CLEC2D: variants seen among roughly 807,000 people sequenced by gnomAD.
The protein encoded by CLEC2D is C-type lectin domain family 2 member D.
Under a neutral mutation model 20.0 loss-of-function variants are expected in CLEC2D, and 16 were observed. That is an observed-to-expected ratio of 0.80 (90% CI 0.54 to 1.22). The LOEUF (loss-of-function observed/expected upper bound fraction) is 1.22. Ranked by LOEUF, CLEC2D falls within the 50% of genes most tolerant of loss-of-function variation. The probability of loss-of-function intolerance (pLI) is 0.00; values close to 1 mark genes in which losing one functional copy is unlikely to be tolerated. For synonymous variants in CLEC2D, 77 were observed against 71.1 expected (o/e 1.08, Z -0.42); for missense variants, 207 against 221.5 (o/e 0.93, Z 0.42).
chr12:9,687,915 C>T lies in CLEC2D; in HGVS notation c.186C>T (p.Asn62=). The T allele has an allele frequency of 6.3e-7, 1 of 1,580,440 alleles. No individual in the cohort carries two copies. Among genetic ancestry groups the T allele is most frequent in the Non-Finnish European group, 8.6e-7 (1 of 1,162,758 alleles). The stretch of plus-strand genomic sequence containing the variant: ...TTTTATTTTCAGCAATAAGAGCTAA[C>T]TGCCATCAAGAGCCATCAGTATGTC... ...MVAALSAIRA[N]CHQEPSVCLQ... is the part of the protein sequence containing the mutation. The change falls in exon 3 of 5, where the codon AAC becomes AAT. Residue 62 remains asparagine (N), a synonymous_variant. Coordinates refer to ENST00000290855, the MANE Select transcript of CLEC2D (RefSeq NM_013269.6).
chr12:9,672,721 T>C (rs1865449163), intron 1 of CLEC2D, among the ~76,000 whole-genome samples: 1 of 152,192 alleles, frequency 6.6e-6, no homozygotes, highest in Admixed American at 6.5e-5. Flanking sequence ...GTTCGGTCTT[T>C]TTACATAGTC....
chr12:9,697,686 A>C lies in CLEC2D; in HGVS notation c.*2812A>C, dbSNP rs1190455619. On this transcript the variant is annotated 3_prime_UTR_variant, in exon 5 of 5. Transcript: ENST00000290855. Reference sequence around the variant, plus strand: ...AGTGAAATAAGCCAGACACAGAAAAAAAATGTTGCATGATCTCACTTATAG... The same window carrying C: ...AGTGAAATAAGCCAGACACAGAAAACAAATGTTGCATGATCTCACTTATAG... The C allele has an allele frequency of 6.6e-6, 1 of 150,838 alleles. No homozygotes were observed. Among genetic ancestry groups the C allele is most frequent in the Non-Finnish European group, 1.5e-5 (1 of 67,882 alleles). 9.3% of individuals were successfully genotyped at this position (150,838 alleles called of 1,614,324 possible). A position where few individuals can be genotyped will look rare whatever the true frequency, so the allele number is the denominator to read the frequency against.
chr12:9,682,791 C>G (rs1442795166), intron 2 of CLEC2D, among the ~76,000 whole-genome samples: 1 of 152,070 alleles, frequency 6.6e-6, no homozygotes, highest in Non-Finnish European at 1.5e-5. Context: ...GGGTTGGTTC[C>G]AAGTCTTTGC....
rs1203438745 is a variant in CLEC2D at position 9,695,867 on chromosome 12, ATG to A, written c.*994_*995del. 8.9e-5 allele frequency: 93 copies of A among 1,049,068 alleles called. No individual in the cohort carries two copies. The African/African-American group carries it at 1.3e-3, about 14-fold the overall frequency. 65.0% of individuals were successfully genotyped at this position (1,049,068 alleles called of 1,614,324 possible). A position where few individuals can be genotyped will look rare whatever the true frequency, so the allele number is the denominator to read the frequency against. ...CTTGCTGCTGCTGCTGATGATGATG[ATG>A]ATGAAGATGATGATGATGATGATGA... On this transcript the variant is annotated 3_prime_UTR_variant, in exon 5 of 5. Coordinates refer to ENST00000290855, the MANE Select transcript of CLEC2D (RefSeq NM_013269.6).
At chr12:9,677,707 C>CTTTTTTTTTTTTTTTTTTTTT (rs36120151) in intron 1 of CLEC2D, among the ~76,000 whole-genome samples, 13 of 122,422 alleles carry the variant, frequency 1.1e-4, no homozygotes, top group Non-Finnish European at 1.7e-4. Context: ...TTCTTTCTTT[C>CTTTTTTTTTTTTTTTTTTTTT]TTTTTTTTTT....
At chr12:9,685,285 G>T (rs1425500298) in intron 2 of CLEC2D, among the ~76,000 whole-genome samples, 1 of 152,196 alleles carries the variant, frequency 6.6e-6, no homozygotes, top group Non-Finnish European at 1.5e-5. Context: ...ACCCCTGCTA[G>T]GAGTTGTCTC....
At chr12:9,680,127 T>G (rs1476324928) in intron 1 of CLEC2D, 1 of 184,456 alleles carries the variant, frequency 5.4e-6, no homozygotes, top group Non-Finnish European at 1.2e-5. Context: ...GCTGTTCTTG[T>G]GATAGCGAGT....
intron 3 of CLEC2D, among the ~76,000 whole-genome samples, chr12:9,689,803 G>A (rs1865825698): frequency 6.6e-6 from 1 of 151,860 alleles, no homozygotes; most frequent in African/African-American, 2.4e-5. Flanking sequence ...TAAGATAATT[G>A]AAACAATCCA....
At chr12:9,679,737 AAGCTTGCTG>A (rs1865596472) in intron 1 of CLEC2D, among the ~76,000 whole-genome samples, 2 of 152,186 alleles carry the variant, frequency 1.3e-5, no homozygotes, top group South Asian at 4.1e-4. Flanking sequence ...CATCAATGTA[AAGCTTGCTG>A]ATCTCTCTAG....
Position 9,697,739 on chromosome 12 carries a change from A to T in CLEC2D, c.*2865A>T, listed in dbSNP as rs1375092956. On this transcript the variant is annotated 3_prime_UTR_variant, in exon 5 of 5. Transcript: ENST00000290855. ...AAACTTAAAAAAAAAACCCAAATACATAGAAATAGAGTAGAATGGTGGTTA... is the reference window on the plus strand; with the variant it reads ...AAACTTAAAAAAAAAACCCAAATACTTAGAAATAGAGTAGAATGGTGGTTA... 1 of 152,142 alleles carries T rather than the reference A, an allele frequency of 6.6e-6. No individual in the cohort carries two copies. The highest frequency in any genetic ancestry group is 2.4e-5 in the African/African-American group (1 of 41,434). The allele number at this position is 152,142 out of a possible 1,614,324, so 9.4% of individuals were successfully genotyped here.
At chr12:9,689,891 A>G (rs984796382) in intron 3 of CLEC2D, among the ~76,000 whole-genome samples, 2 of 152,138 alleles carry the variant, frequency 1.3e-5, no homozygotes, top group Non-Finnish European at 2.9e-5. Flanking sequence ...ACATACTAAC[A>G]TATGTACTGT....
chr12:9,692,096 T>C (rs1223680791), intron 3 of CLEC2D, among the ~76,000 whole-genome samples: 1 of 149,442 alleles, frequency 6.7e-6, no homozygotes, highest in Non-Finnish European at 1.5e-5. Context: ...CTTTTCTTTC[T>C]CTTTCTTTCT....
intron 3 of CLEC2D, among the ~76,000 whole-genome samples, chr12:9,688,351 A>G (rs149611165): frequency 6.6e-6 from 1 of 152,364 alleles, no homozygotes; most frequent in East Asian, 1.9e-4. Context: ...AGAATTGTGC[A>G]AATAAGGATT....
At chr12:9,692,279 G>A (rs1181263162) in intron 3 of CLEC2D, among the ~76,000 whole-genome samples, 3 of 152,044 alleles carry the variant, frequency 2.0e-5, no homozygotes, top group African/African-American at 7.2e-5. Context: ...GGGATTACAG[G>A]TGCATGCCAT....
intron 1 of CLEC2D, among the ~76,000 whole-genome samples, chr12:9,679,987 G>A (rs1865601554): frequency 1.3e-5 from 2 of 152,124 alleles, no homozygotes; most frequent in African/African-American, 4.8e-5. Flanking sequence ...AAACACCTTT[G>A]TTGACTCCTG....
At chr12:9,692,955 A>G in intron 4 of CLEC2D, 24 bp downstream of exon 4, 1 of 1,599,514 alleles carries the variant, frequency 6.3e-7, no homozygotes, top group Non-Finnish European at 8.6e-7. Flanking sequence ...ATCTGGCAGT[A>G]ATATTTGTAT....
chr12:9,681,869 T>C (rs931476516), intron 2 of CLEC2D, among the ~76,000 whole-genome samples: 37 of 152,204 alleles, frequency 2.4e-4, no homozygotes, highest in African/African-American at 8.7e-4. Flanking sequence ...TAATATACTT[T>C]ATACATTTAT....
chr12:9,695,916 G>A lies in CLEC2D; in HGVS notation c.*1042G>A, dbSNP rs148482913. 1.1e-3 allele frequency: 1,409 copies of A among 1,236,212 alleles called. 7 individuals are homozygous for A. In the African/African-American group the frequency reaches 0.017, roughly 15 times the overall value. 76.6% of individuals were successfully genotyped at this position (1,236,212 alleles called of 1,614,324 possible). On this transcript the variant is annotated 3_prime_UTR_variant, in exon 5 of 5. Coordinates refer to ENST00000290855, the MANE Select transcript of CLEC2D (RefSeq NM_013269.6). ...ATGACGAGGAAGCTGAAGAAAAAGC[G>A]CCAGTGAAGAAATCTATACGAGATA...
At chr12:9,677,149 A>C (rs1865534580) in intron 1 of CLEC2D, among the ~76,000 whole-genome samples, 1 of 151,258 alleles carries the variant, frequency 6.6e-6, no homozygotes, top group African/African-American at 2.4e-5. Flanking sequence ...TCTTCTGTTT[A>C]ATTTGTACCT....
Sources: allele counts gnomAD v4.1 joint callset (sites outside exome capture counted in the v4.1 genomes callset), GRCh38; gene constraint gnomAD v4.1.1; transcripts MANE v1.5; gene names NCBI Gene and HGNC (gene_info 2026-07-23, HGNC 2026-07-21).